SLC38A1: variants seen among roughly 807,000 people sequenced by gnomAD.
The protein encoded by SLC38A1 is sodium-coupled neutral amino acid symporter 1.
Under a neutral mutation model 60.3 loss-of-function variants are expected in SLC38A1, and 18 were observed. That is an observed-to-expected ratio of 0.30 (90% confidence interval 0.21 to 0.44). The LOEUF is 0.44. SLC38A1 is among the 20% of genes least tolerant of loss of function. The pLI, the probability that SLC38A1 is intolerant of heterozygous loss-of-function variation, is 1.00. For missense variants in SLC38A1, 448 were observed against 587.2 expected (o/e 0.76, Z 2.45); for synonymous variants, 196 against 212.1 (o/e 0.92, Z 0.66).
intron 1 of SLC38A1, among the ~76,000 whole-genome samples, chr12:46,256,336 TAC>T (rs942258069): frequency 2.0e-5 from 3 of 152,070 alleles, no homozygotes; most frequent in African/African-American, 7.2e-5. Context: ...TAAAAGGCAT[TAC>T]ACTTTTTACT....
chr12:46,189,021 G>C lies in SLC38A1; in HGVS notation c.1413C>G (p.Pro471=). 1 of 1,613,738 alleles carries C rather than the reference G, an allele frequency of 6.2e-7. No homozygotes were observed. Among genetic ancestry groups the C allele is most frequent in the South Asian group, 1.1e-5 (1 of 91,060 alleles). Reference sequence around the variant, plus strand: ...AGCAGGCCCAGTCATAGATGACCAAGGGAATGCTGACCAAGGAGAACAACA... The same window carrying C: ...AGCAGGCCCAGTCATAGATGACCAACGGAATGCTGACCAAGGAGAACAACA... ...LGVLFSLVSI[P]LVIYDWACSS... Residue 471 remains proline (P), a synonymous_variant, in exon 17 of 17, where the codon CCC becomes CCG. Coordinates refer to ENST00000398637, the MANE Select transcript of SLC38A1 (RefSeq NM_030674.4).
At chr12:46,218,272 A>G (rs1443342749) in intron 5 of SLC38A1, among the ~76,000 whole-genome samples, 1 of 151,994 alleles carries the variant, frequency 6.6e-6, no homozygotes, top group Admixed American at 6.6e-5. Context: ...CACAAGGACA[A>G]GTCGTTTCCC....
At chr12:46,262,267 A>G (rs1035572545) in intron 1 of SLC38A1, among the ~76,000 whole-genome samples, 3 of 152,222 alleles carry the variant, frequency 2.0e-5, no homozygotes, top group African/African-American at 7.2e-5. Context: ...ACCTATCTAT[A>G]TCAGAAATTT....
intron 5 of SLC38A1, among the ~76,000 whole-genome samples, chr12:46,223,507 C>T (rs916647891): frequency 1.3e-5 from 2 of 151,840 alleles, no homozygotes; most frequent in Non-Finnish European, 2.9e-5. Context: ...CCTAGTAGCT[C>T]TATGCGTTGG....
At chr12:46,263,657 C>CT (rs760182444) in intron 1 of SLC38A1, among the ~76,000 whole-genome samples, 8 of 152,044 alleles carry the variant, frequency 5.3e-5, no homozygotes, top group Non-Finnish European at 1.2e-4. Flanking sequence ...CTATCCCTTT[C>CT]TTTTTCCTTT....
rs1184674936 is a variant in SLC38A1 at position 46,185,773 on chromosome 12, C to G, written c.*3197G>C. On this transcript the variant is annotated 3_prime_UTR_variant, in exon 17 of 17. Transcript: ENST00000398637. Reference sequence around the variant, plus strand: ...TCTGACCCATGAGAGGCCCCCTCACCCTCCTTCACCCTCCTCCTACCACCA... The same window carrying G: ...TCTGACCCATGAGAGGCCCCCTCACGCTCCTTCACCCTCCTCCTACCACCA... The G allele has an allele frequency of 6.6e-6, 1 of 152,164 alleles. No homozygotes were observed. Among genetic ancestry groups the G allele is most frequent in the Non-Finnish European group, 1.5e-5 (1 of 68,162 alleles). The allele number at this position is 152,164 out of a possible 1,614,324, so 9.4% of individuals were successfully genotyped here. A position where few individuals can be genotyped will look rare whatever the true frequency, so the allele number is the denominator to read the frequency against.
intron 12 of SLC38A1, among the ~76,000 whole-genome samples, chr12:46,202,419 A>G (rs1468136484): frequency 6.6e-6 from 1 of 152,178 alleles, no homozygotes; most frequent in Non-Finnish European, 1.5e-5. Flanking sequence ...TGATAACCAT[A>G]GGCTAAAAAG....
chr12:46,256,632 C>G (rs371319480), intron 1 of SLC38A1, among the ~76,000 whole-genome samples: 8 of 71,404 alleles, frequency 1.1e-4, no homozygotes, highest in Non-Finnish European at 2.3e-4. Flanking sequence ...CACACACACA[C>G]ACACAGAGAG....
At chr12:46,208,968 T>TAC in intron 6 of SLC38A1, 86 bp downstream of exon 6, 1 of 928,128 alleles carries the variant, frequency 1.1e-6, no homozygotes, top group Non-Finnish European at 1.7e-6. Flanking sequence ...CAAATTGCTG[T>TAC]ACAGAGAGAA....
At position 46,229,564 on chromosome 12, in the gene SLC38A1, A is replaced by C; in HGVS notation, c.198T>G (p.Tyr66Ter). The stretch of plus-strand genomic sequence containing the variant: ...CATACTTCATTATAATGATACTTAC[A>C]TACTCATCACACTTCTTTTTTTCCA... ...SHLEKKKCDEYIPGTTSLGMS... is the reference protein window; with the variant it reads ...SHLEKKKCDE Residue 66 changes from tyrosine to a stop codon, truncating the protein, a stop_gained and splice_region_variant, in exon 4 of 17, where the codon TAT becomes TAG. Coordinates refer to ENST00000398637, the MANE Select transcript of SLC38A1 (RefSeq NM_030674.4). LOFTEE classifies it high-confidence loss of function. 6.2e-7 allele frequency: 1 copy of C among 1,603,360 alleles called. No individual in the cohort carries two copies. The highest frequency in any genetic ancestry group is 8.5e-7 in the Non-Finnish European group (1 of 1,170,522).
chr12:46,198,556 G>C, intron 14 of SLC38A1, 69 bp downstream of exon 14: 1 of 1,041,126 alleles, frequency 9.6e-7, no homozygotes, highest in Non-Finnish European at 1.4e-6. Flanking sequence ...TCTCTGCAAC[G>C]GGCTCCTGCA....
chr12:46,230,006 T>C (rs916843875), intron 3 of SLC38A1, among the ~76,000 whole-genome samples: 2 of 152,230 alleles, frequency 1.3e-5, no homozygotes, highest in African/African-American at 2.4e-5. Flanking sequence ...ATTTTAATAA[T>C]AAATTTAAAC....
intron 16 of SLC38A1, among the ~76,000 whole-genome samples, chr12:46,195,111 TG>T (rs1182199605): frequency 6.6e-6 from 1 of 152,286 alleles, no homozygotes; most frequent in Non-Finnish European, 1.5e-5. Flanking sequence ...GACCTATAGA[TG>T]GGGATTTGGT....
chr12:46,196,223 G>C (rs1231232207), intron 16 of SLC38A1: 1 of 1,535,940 alleles, frequency 6.5e-7, no homozygotes, highest in Non-Finnish European at 8.7e-7. Flanking sequence ...GGAGAAGGAT[G>C]ATGCATTCTG....
chr12:46,253,524 G>A (rs1941928284), intron 1 of SLC38A1, among the ~76,000 whole-genome samples: 2 of 152,146 alleles, frequency 1.3e-5, no homozygotes, highest in African/African-American at 2.4e-5. Flanking sequence ...CAGTGAGGAC[G>A]ACCAGAGGTC....
At chr12:46,207,682 C>A in intron 6 of SLC38A1, 61 bp from the exon 7 acceptor site, 2 of 1,477,322 alleles carry the variant, frequency 1.4e-6, no homozygotes, top group South Asian at 1.1e-5. Flanking sequence ...TTAAAATAGT[C>A]AAGATTTTGT....
Position 46,186,707 on chromosome 12 carries a change from A to G in SLC38A1, c.*2263T>C, listed in dbSNP as rs1423879924. The G allele has an allele frequency of 1.3e-5, 2 of 152,216 alleles. No individual in the cohort carries two copies. Among genetic ancestry groups the G allele is most frequent in the African/African-American group, 4.8e-5 (2 of 41,450 alleles). The allele number at this position is 152,216 out of a possible 1,614,324, so 9.4% of individuals were successfully genotyped here. On this transcript the variant is annotated 3_prime_UTR_variant, in exon 17 of 17. Transcript: ENST00000398637. ...CACTGTGCCTCCTCTAAATAAATCT[A>G]TTTTAAATAAATATTCCTTGTATTG...
At chr12:46,215,490 C>A (rs1457835022) in intron 5 of SLC38A1, among the ~76,000 whole-genome samples, 1 of 152,110 alleles carries the variant, frequency 6.6e-6, no homozygotes, top group African/African-American at 2.4e-5. Context: ...TGGCTCACTG[C>A]AACCTCTGCC....
intron 1 of SLC38A1, chr12:46,255,002 A>C (rs1305145271): frequency 2.0e-5 from 3 of 152,196 alleles, no homozygotes; most frequent in African/African-American, 7.2e-5. Flanking sequence ...TTAGTCTTCC[A>C]TTGTTTCGGT....
Sources: allele counts gnomAD v4.1 joint callset (sites outside exome capture counted in the v4.1 genomes callset), GRCh38; gene constraint gnomAD v4.1.1; transcripts MANE v1.5; gene names NCBI Gene and HGNC (gene_info 2026-07-23, HGNC 2026-07-21).